The following RAB11A variants were observed in gnomAD, a reference collection of about 807,000 sequenced individuals.
The protein encoded by RAB11A is ras-related protein Rab-11A.
A neutral mutation model predicts 28.0 loss-of-function variants in RAB11A; 9 were observed. The observed-to-expected ratio is 0.32, with a 90% CI of 0.19 to 0.56. RAB11A has a LOEUF of 0.56. Ranked by LOEUF, RAB11A falls within the 20% of genes least tolerant of loss-of-function variation. The pLI, the probability that RAB11A is intolerant of heterozygous loss-of-function variation, is 0.91. For synonymous variants in RAB11A, 85 were observed against 88.2 expected (o/e 0.96, Z 0.20); for missense variants, 108 against 269.6 (o/e 0.40, Z 4.20).
intron 1 of RAB11A, among the ~76,000 whole-genome samples, chr15:65,872,663 A>C (rs964950465): frequency 1.3e-5 from 2 of 150,138 alleles, no homozygotes; most frequent in Non-Finnish European, 3.0e-5. Flanking sequence ...CGAACTCCTG[A>C]CCTCAGGTGA....
intron 1 of RAB11A, among the ~76,000 whole-genome samples, chr15:65,870,901 T>A (rs1244903246): frequency 6.6e-6 from 1 of 152,088 alleles, no homozygotes; most frequent in African/African-American, 2.4e-5. Flanking sequence ...AAAGGGTACA[T>A]TTTTCAATGA....
intron 4 of RAB11A, among the ~76,000 whole-genome samples, chr15:65,885,844 C>T (rs1204401442): frequency 6.6e-6 from 1 of 152,204 alleles, no homozygotes; most frequent in African/African-American, 2.4e-5. Context: ...GATGACCCAC[C>T]TCCCAATGGC....
At chr15:65,871,975 A>AGGCTGGAG (rs1336639386) in intron 1 of RAB11A, among the ~76,000 whole-genome samples, 2 of 113,284 alleles carry the variant, frequency 1.8e-5, no homozygotes, top group African/African-American at 7.0e-5. Context: ...TCTGTCCCCC[A>AGGCTGGAG]GGCTGGAGTG....
At chr15:65,874,428 A>G (rs752259527) in intron 1 of RAB11A, among the ~76,000 whole-genome samples, 2 of 151,988 alleles carry the variant, frequency 1.3e-5, no homozygotes, top group Non-Finnish European at 2.9e-5. Context: ...TTTAGTAGAG[A>G]TGAGGTTTCT....
Position 65,890,385 on chromosome 15 carries a change from T to A in RAB11A, c.*2545T>A, listed in dbSNP as rs548941574. On this transcript the variant is annotated 3_prime_UTR_variant, in exon 5 of 5. Coordinates refer to ENST00000261890, the MANE Select transcript of RAB11A (RefSeq NM_004663.5). Reference sequence around the variant, plus strand: ...AATTTTTTTTTAACCTGTTATATAGTCTCCTGAATAGTTAGCCATGGTGCC... The same window carrying A: ...AATTTTTTTTTAACCTGTTATATAGACTCCTGAATAGTTAGCCATGGTGCC... 6.6e-6 allele frequency: 1 copy of A among 152,236 alleles called. No homozygotes were observed. Among genetic ancestry groups the A allele is most frequent in the East Asian group, 1.9e-4 (1 of 5,184 alleles). 9.4% of individuals were successfully genotyped at this position (152,236 alleles called of 1,614,324 possible).
intron 4 of RAB11A, among the ~76,000 whole-genome samples, chr15:65,880,828 T>C (rs921715343): frequency 1.3e-5 from 2 of 151,942 alleles, no homozygotes; most frequent in African/African-American, 4.8e-5. Context: ...TTTTGAGGAG[T>C]TTTGTTATTT....
At chr15:65,869,711 G>A in intron 1 of RAB11A, 86 bp downstream of exon 1, 1 of 1,418,608 alleles carries the variant, frequency 7.0e-7, no homozygotes, top group Admixed American at 1.8e-5. Flanking sequence ...GGCCACCCCT[G>A]CACTGATATA....
chr15:65,871,875 C>G (rs1159848719), intron 1 of RAB11A, among the ~76,000 whole-genome samples: 1 of 140,296 alleles, frequency 7.1e-6, no homozygotes, highest in Non-Finnish European at 1.5e-5. Context: ...CATGAGGACT[C>G]AATAAATGGT....
chr15:65,887,943 C>T lies in RAB11A; in HGVS notation c.*103C>T, dbSNP rs1301285789. On this transcript the variant is annotated 3_prime_UTR_variant, in exon 5 of 5. Coordinates refer to ENST00000261890, the MANE Select transcript of RAB11A (RefSeq NM_004663.5). Reference sequence around the variant, plus strand: ...GTGTCACTTTTGTGTTTTATTACTTCATACTTATGAATTTTTCCATGTCCT... The same window carrying T: ...GTGTCACTTTTGTGTTTTATTACTTTATACTTATGAATTTTTCCATGTCCT... The T allele has an allele frequency of 3.3e-6, 4 of 1,225,004 alleles. No individual in the cohort carries two copies. In the African/African-American group the frequency reaches 6.3e-5, roughly 19 times the overall value. The allele number at this position is 1,225,004 out of a possible 1,614,324, so 75.9% of individuals were successfully genotyped here.
chr15:65,876,903 A>C (rs138200341), intron 1 of RAB11A, among the ~76,000 whole-genome samples: 8 of 152,304 alleles, frequency 5.3e-5, no homozygotes, highest in Middle Eastern at 3.4e-3. Flanking sequence ...TGTTGTTTTC[A>C]TTTCTGATAC....
chr15:65,879,041 T>C (rs1465410695), intron 3 of RAB11A, among the ~76,000 whole-genome samples: 1 of 151,178 alleles, frequency 6.6e-6, no homozygotes, highest in Admixed American at 6.6e-5. Flanking sequence ...TGACCCATTC[T>C]GGAGTGGAGT....
At position 65,885,010 on chromosome 15, in the gene RAB11A, G is replaced by A. The variant is rs12905300; in HGVS notation, c.512-2691G>A. Among the ~76,000 whole-genome samples the A allele has an allele frequency of 2.4e-3, 362 of 150,046 alleles. 1 individual carries two copies. The highest frequency in any genetic ancestry group is 4.4e-3 in the Non-Finnish European group (294 of 67,534). ...AGGGTCTCACACTGTCCCCAGGCTG[G>A]AGTGCAGTGGTGCAGTCTCAACCTC... On this transcript the variant is annotated intron_variant, in intron 4 of 4. Coordinates refer to ENST00000261890, the MANE Select transcript of RAB11A (RefSeq NM_004663.5).
chr15:65,869,689 G>C (rs2141098076), intron 1 of RAB11A, 64 bp downstream of exon 1: 1 of 1,549,958 alleles, frequency 6.5e-7, no homozygotes, highest in East Asian at 2.3e-5. Context: ...ACTCCCGGTG[G>C]ACCCTCGTGC....
In RAB11A at chr15:65,890,699, A is replaced by G. The variant is rs889877183; in HGVS notation, c.*2859A>G. 1 of 152,164 alleles carries G rather than the reference A, an allele frequency of 6.6e-6. No homozygotes were observed. The highest frequency in any genetic ancestry group is 2.4e-5 in the African/African-American group (1 of 41,442). 9.4% of individuals were successfully genotyped at this position (152,164 alleles called of 1,614,324 possible). A position where few individuals can be genotyped will look rare whatever the true frequency, so the allele number is the denominator to read the frequency against. ...GTATTTATAAAATACAAATGCTTTT[A>G]GTGGGTTGAGCTGTTGTGATAATCT... On this transcript the variant is annotated 3_prime_UTR_variant, in exon 5 of 5. Transcript: ENST00000261890.
intron 1 of RAB11A, among the ~76,000 whole-genome samples, chr15:65,871,960 C>T (rs372657393): frequency 9.6e-6 from 1 of 104,478 alleles, no homozygotes; most frequent in African/African-American, 3.8e-5. Context: ...GAGACAGGGT[C>T]TCGCTCTGTC....
chr15:65,869,705 A>G, intron 1 of RAB11A, 80 bp downstream of exon 1: 1 of 1,443,838 alleles, frequency 6.9e-7, no homozygotes, highest in East Asian at 2.3e-5. Flanking sequence ...CGTGCCGGCC[A>G]CCCCTGCACT....
rs1285514055 is a variant in RAB11A, at chr15:65,869,548, C to T, written c.-38C>T. 2 of 1,605,896 alleles carry T rather than the reference C, an allele frequency of 1.2e-6. No homozygotes were observed. Among genetic ancestry groups the T allele is most frequent in the Non-Finnish European group, 1.7e-6 (2 of 1,178,074 alleles). ...GCGACGCCCCCTGGTCCCACAGATA[C>T]CACTGCTGCTCCCGCCCTTTCGCTC... On this transcript the variant is annotated 5_prime_UTR_variant, in exon 1 of 5. Coordinates refer to ENST00000261890, the MANE Select transcript of RAB11A (RefSeq NM_004663.5).
chr15:65,870,647 T>C (rs575792672), intron 1 of RAB11A, among the ~76,000 whole-genome samples: 4 of 152,368 alleles, frequency 2.6e-5, no homozygotes, highest in East Asian at 3.9e-4. Context: ...GGTTGCTTCC[T>C]GCTGCAACGC....
chr15:65,872,525 C>T (rs187842905), intron 1 of RAB11A, among the ~76,000 whole-genome samples: 102 of 150,604 alleles, frequency 6.8e-4, no homozygotes, highest in Non-Finnish European at 1.1e-3. Context: ...ACCTCTGCTT[C>T]CTGGGTTCAA....
Sources: gnomAD v4.1 joint callset for allele counts (sites outside exome capture counted in the v4.1 genomes callset) on GRCh38, gnomAD v4.1.1 for gene constraint, MANE v1.5 for transcripts, NCBI Gene and HGNC (gene_info 2026-07-23, HGNC 2026-07-21) for gene names.